CHIA: variants seen among roughly 807,000 people sequenced by gnomAD.
The protein encoded by CHIA is acidic mammalian chitinase.
Under a neutral mutation model 53.5 loss-of-function variants are expected in CHIA, and 47 were observed. The ratio of observed to expected loss-of-function variants is 0.88; its 90% confidence interval spans 0.70 to 1.12. The LOEUF (loss-of-function observed/expected upper bound fraction) is 1.12, where lower values mean the gene tolerates loss of function less well. Among genes scored for constraint, CHIA ranks in the 50% most tolerant of loss-of-function variants. The pLI is 0.00. For synonymous variants in CHIA, 268 were observed against 222.2 expected (o/e 1.21, Z -1.83); for missense variants, 652 against 592.2 (o/e 1.10, Z -1.05).
At chr1:111,302,848 T>C (rs1350655453) in intron 1 of CHIA, among the ~76,000 whole-genome samples, 1 of 152,186 alleles carries the variant, frequency 6.6e-6, no homozygotes, top group East Asian at 1.9e-4. Context: ...GAACGGGCTA[T>C]TGAAGTTTCC....
chr1:111,319,617 C>A (rs1649488300), intron 11 of CHIA, 149 bp downstream of exon 11: 3 of 754,204 alleles, frequency 4.0e-6, no homozygotes, highest in Non-Finnish European at 4.3e-6. Context: ...ACAGGTTTTA[C>A]CCTTGAACGG....
intron 1 of CHIA, among the ~76,000 whole-genome samples, chr1:111,307,241 T>C (rs1648258572): frequency 6.6e-6 from 1 of 152,180 alleles, no homozygotes; most frequent in Non-Finnish European, 1.5e-5. Flanking sequence ...TCACAGCATA[T>C]TTGTATAATG....
intron 6 of CHIA, chr1:111,317,457 CT>C (rs1370724376): frequency 2.2e-6 from 1 of 447,486 alleles, no homozygotes. Context: ...CAGTGTGGGA[CT>C]TTGGTGAAGT....
intron 6 of CHIA, chr1:111,316,270 C>T (rs1163704443): frequency 6.3e-6 from 1 of 159,068 alleles, no homozygotes; most frequent in Non-Finnish European, 1.4e-5. Flanking sequence ...TGCACTTTAC[C>T]TTTGACACAA....
chr1:111,318,445 T>A, intron 8 of CHIA, 48 bp from the exon 9 acceptor site: 2 of 1,497,684 alleles, frequency 1.3e-6, no homozygotes, highest in Non-Finnish European at 9.2e-7. Flanking sequence ...AACTAAGTAC[T>A]GGGTCCTCAG....
At chr1:111,303,276 T>C (rs1647904175) in intron 1 of CHIA, among the ~76,000 whole-genome samples, 1 of 152,072 alleles carries the variant, frequency 6.6e-6, no homozygotes, top group South Asian at 2.1e-4. Context: ...AAGAGGGAAT[T>C]ATTTCTGTCA....
chr1:111,315,060 G>C (rs1226968411), intron 5 of CHIA: 2 of 514,646 alleles, frequency 3.9e-6, no homozygotes, highest in East Asian at 6.5e-5. Context: ...GAGCAGAGTT[G>C]GGGGGATAAC....
Position 111,305,345 on chromosome 1 carries a change from T to C in CHIA, c.-68-5055T>C, listed in dbSNP as rs185772027. On this transcript the variant is annotated intron_variant, in intron 1 of 11. Transcript: ENST00000369740. ...CCAGAGGGGAAGTAGCTTGCAACAA[T>C]GGGGGGAGGTGCAAGAACAATGACT... Among the ~76,000 whole-genome samples the C allele has an allele frequency of 2.6e-4, 39 of 152,132 alleles. 1 individual carries two copies. The East Asian group carries it at 7.5e-3, about 29-fold the overall frequency.
rs376456634 is a variant in CHIA, at chr1:111,312,260, G to A, written c.126G>A (p.Met42Ile). Residue 42 changes from methionine to isoleucine, a missense_variant, in exon 4 of 12, where the codon ATG (methionine) becomes ATA (isoleucine). By Grantham distance (10) the Met-to-Ile change is conservative. Transcript: ENST00000369740. ...ACCGGCCAGGCCTGGGGCGCTTCAT[G>A]CCTGACAACATCGACCCCTGCCTCT... ...AQYRPGLGRFMPDNIDPCLCT... is the reference protein window; with the variant it reads ...AQYRPGLGRFIPDNIDPCLCT... The A allele has an allele frequency of 1.5e-5, 25 of 1,614,004 alleles. No homozygotes were observed. Among genetic ancestry groups the A allele is most frequent in the Middle Eastern group, 1.6e-4 (1 of 6,084 alleles).
chr1:111,317,996 T>C lies in CHIA; in HGVS notation c.616T>C (p.Tyr206His). Residue 206 changes from tyrosine (Y) to histidine (H), a missense_variant, in exon 8 of 12, where the codon TAC (tyrosine) becomes CAC (histidine). By Grantham distance (83) the Tyr-to-His change is moderately conservative. Coordinates refer to ENST00000369740, the MANE Select transcript of CHIA (RefSeq NM_201653.4). Reference sequence around the variant, plus strand: ...TCCACCCCACCTCAGGTACCTGGACTACATCCATGTCATGACCTACGACCT... The same window carrying C: ...TCCACCCCACCTCAGGTACCTGGACCACATCCATGTCATGACCTACGACCT... ...EIPQLSQYLD[Y>H]IHVMTYDLHG... 6.2e-7 allele frequency: 1 copy of C among 1,614,188 alleles called. No homozygotes were observed. Among genetic ancestry groups the C allele is most frequent in the South Asian group, 1.1e-5 (1 of 91,082 alleles).
At chr1:111,320,186 G>A in intron 11 of CHIA, 27 bp from the exon 12 acceptor site, 1 of 1,605,160 alleles carries the variant, frequency 6.2e-7, no homozygotes, top group Non-Finnish European at 8.5e-7. Flanking sequence ...AAGCCCACTA[G>A]TCTGCTCTTA....
At chr1:111,314,794 G>A (rs1649009268) in intron 5 of CHIA, 198 bp downstream of exon 5, 3 of 537,950 alleles carry the variant, frequency 5.6e-6, no homozygotes, top group Non-Finnish European at 9.9e-6. Context: ...ATTTAATTTG[G>A]TGGACATTTG....
intron 1 of CHIA, among the ~76,000 whole-genome samples, chr1:111,291,621 T>C (rs1399641599): frequency 2.0e-5 from 3 of 152,056 alleles, no homozygotes; most frequent in Non-Finnish European, 4.4e-5. Flanking sequence ...GGCACACGTA[T>C]ACCTATGTAA....
In CHIA at chr1:111,319,372, G is replaced by A. The variant is rs1278245623; in HGVS notation, c.1081G>A (p.Ala361Thr). ...HNKFGGAMVW[A>T]IDLDDFTGTF... Reference sequence around the variant, plus strand: ...CAAATTTGGAGGCGCCATGGTCTGGGCCATTGATCTGGATGACTTCACTGG... The same window carrying A: ...CAAATTTGGAGGCGCCATGGTCTGGACCATTGATCTGGATGACTTCACTGG... The change falls in exon 11 of 12, where the codon GCC (alanine) becomes ACC (threonine). Residue 361 changes from alanine to threonine, a missense_variant. Ala to Thr is a moderately conservative substitution (Grantham distance 58). Transcript: ENST00000369740. 3 of 1,614,082 alleles carry A rather than the reference G, an allele frequency of 1.9e-6. No homozygotes were observed. The highest frequency in any genetic ancestry group is 1.3e-5 in the African/African-American group (1 of 74,924).
intron 1 of CHIA, among the ~76,000 whole-genome samples, chr1:111,300,331 A>G (rs1468511970): frequency 2.0e-5 from 3 of 152,220 alleles, no homozygotes; most frequent in Non-Finnish European, 4.4e-5. Context: ...ACTTCAAACT[A>G]TACTACAAGG....
intron 5 of CHIA, chr1:111,314,833 T>C: frequency 2.0e-6 from 1 of 496,106 alleles, no homozygotes; most frequent in Non-Finnish European, 3.6e-6. Flanking sequence ...GTTTACTTAC[T>C]GAGGTTCCCA....
chr1:111,291,949 A>G (rs1661051698), intron 1 of CHIA, among the ~76,000 whole-genome samples: 1 of 152,158 alleles, frequency 6.6e-6, no homozygotes, highest in Non-Finnish European at 1.5e-5. Context: ...TACCTATGTA[A>G]GAAACCTGCA....
chr1:111,298,533 T>C (rs1647409111), intron 1 of CHIA, among the ~76,000 whole-genome samples: 5 of 152,200 alleles, frequency 3.3e-5, no homozygotes, highest in Admixed American at 3.3e-4. Context: ...ATAAAGATGT[T>C]CTTTGAAACC....
intron 1 of CHIA, among the ~76,000 whole-genome samples, chr1:111,298,150 CT>C (rs1647359087): frequency 6.6e-6 from 1 of 151,636 alleles, no homozygotes; most frequent in African/African-American, 2.4e-5. Flanking sequence ...TAATGGGAGA[CT>C]TTAACAACCC....
Sources: allele counts gnomAD v4.1 joint callset (sites outside exome capture counted in the v4.1 genomes callset), GRCh38; gene constraint gnomAD v4.1.1; transcripts MANE v1.5; gene names NCBI Gene and HGNC (gene_info 2026-07-23, HGNC 2026-07-21).